GULP1: variants seen among roughly 807,000 people sequenced by gnomAD.
The protein encoded by GULP1 is PTB domain-containing engulfment adapter protein 1.
A neutral mutation model predicts 40.9 loss-of-function variants in GULP1; 19 were observed. The observed-to-expected ratio is 0.46, with a 90% confidence interval of 0.32 to 0.68. The LOEUF (loss-of-function observed/expected upper bound fraction) is 0.68. Ranked by LOEUF, GULP1 falls within the 30% of genes least tolerant of loss-of-function variation. The probability of loss-of-function intolerance (pLI) is 0.03; values close to 1 mark genes in which losing one functional copy is unlikely to be tolerated. For synonymous variants in GULP1, 119 were observed against 117.6 expected (o/e 1.01, Z -0.08); for missense variants, 312 against 362.2 (o/e 0.86, Z 1.12).
intron 2 of GULP1, among the ~76,000 whole-genome samples, chr2:188,396,854 C>T (rs765274509): frequency 2.0e-5 from 3 of 152,228 alleles, no homozygotes; most frequent in South Asian, 2.1e-4. Context: ...TCCCTCCATC[C>T]GTGCTGGAGA....
At chr2:188,511,035 G>A (rs147573394) in intron 4 of GULP1, among the ~76,000 whole-genome samples, 28 of 152,080 alleles carry the variant, frequency 1.8e-4, no homozygotes, top group African/African-American at 6.5e-4. Flanking sequence ...TGTGCTAGTC[G>A]CTGGTTGTAT....
chr2:188,498,429 A>G (rs1287479203), intron 4 of GULP1, among the ~76,000 whole-genome samples: 2 of 151,924 alleles, frequency 1.3e-5, no homozygotes, highest in Non-Finnish European at 1.5e-5. Flanking sequence ...AGCCCAAAAT[A>G]TAGAGCATAG....
In GULP1 at chr2:188,546,068, C is replaced by T. The variant is rs112702707; in HGVS notation, c.399+4750C>T. Reference sequence around the variant, plus strand: ...AACTGTGTATTACCAAAAAATAGAGCTGCAAAATGAGAAACAAAAACAGAT... The same window carrying T: ...AACTGTGTATTACCAAAAAATAGAGTTGCAAAATGAGAAACAAAAACAGAT... On this transcript the variant is annotated intron_variant, in intron 7 of 11. Transcript: ENST00000409830. Among the ~76,000 whole-genome samples the T allele has an allele frequency of 5.3e-5, 8 of 151,936 alleles. 1 individual carries two copies. Among genetic ancestry groups the T allele is most frequent in the African/African-American group, 1.9e-4 (8 of 41,512 alleles).
At chr2:188,387,552 A>G (rs2049945518) in intron 2 of GULP1, among the ~76,000 whole-genome samples, 1 of 152,188 alleles carries the variant, frequency 6.6e-6, no homozygotes, top group African/African-American at 2.4e-5. Context: ...GCAGTTTGTA[A>G]TGGTAACACT....
chr2:188,440,711 A>G (rs1265813467), intron 2 of GULP1, among the ~76,000 whole-genome samples: 3 of 152,150 alleles, frequency 2.0e-5, no homozygotes, highest in Non-Finnish European at 4.4e-5. Flanking sequence ...CTATTTTTGC[A>G]ATAAATAGAG....
chr2:188,360,343 CT>C (rs1443573664), intron 1 of GULP1, among the ~76,000 whole-genome samples: 1 of 152,074 alleles, frequency 6.6e-6, no homozygotes, highest in East Asian at 1.9e-4. Flanking sequence ...TTCAAAAAAT[CT>C]CTATTATGCA....
chr2:188,591,660 G>T (rs1045141413), intron 11 of GULP1: 3 of 151,430 alleles, frequency 2.0e-5, no homozygotes, highest in African/African-American at 4.8e-5. Flanking sequence ...GAGGAAGATA[G>T]AAAACTATAT....
intron 4 of GULP1, among the ~76,000 whole-genome samples, chr2:188,502,939 G>A (rs2063565721): frequency 6.6e-6 from 1 of 151,864 alleles, no homozygotes; most frequent in Non-Finnish European, 1.5e-5. Context: ...GCTCCAGGAG[G>A]GAAGAGTGCT....
At chr2:188,587,609 ACAC>A (rs1057304526) in intron 10 of GULP1, among the ~76,000 whole-genome samples, 1 of 152,170 alleles carries the variant, frequency 6.6e-6, no homozygotes, top group Non-Finnish European at 1.5e-5. Context: ...CTTCACTAAA[ACAC>A]AGAAACCTCT....
chr2:188,319,286 A>G (rs71434635), intron 1 of GULP1, among the ~76,000 whole-genome samples: 22,867 of 152,152 alleles, frequency 0.15, 1,850 homozygotes, highest in Middle Eastern at 0.17. Flanking sequence ...CAGAGAGAGC[A>G]AAATAGGAAT....
At chr2:188,588,046 A>G in intron 11 of GULP1, 97 bp downstream of exon 11, 1 of 760,368 alleles carries the variant, frequency 1.3e-6, no homozygotes, top group Non-Finnish European at 2.4e-6. Context: ...TCCTTCAATT[A>G]TTTTCGCTAT....
intron 2 of GULP1, among the ~76,000 whole-genome samples, chr2:188,442,320 T>A (rs1249431553): frequency 1.3e-5 from 2 of 152,282 alleles, no homozygotes; most frequent in Non-Finnish European, 2.9e-5. Flanking sequence ...TAAATGTAGT[T>A]AGGGCACATG....
chr2:188,388,418 T>C (rs2050074641), intron 2 of GULP1, among the ~76,000 whole-genome samples: 1 of 150,008 alleles, frequency 6.7e-6, no homozygotes, highest in South Asian at 2.1e-4. Flanking sequence ...TGGTGTATAC[T>C]TGTAGTCCCA....
intron 2 of GULP1, among the ~76,000 whole-genome samples, chr2:188,421,860 GA>G (rs1450554534): frequency 6.6e-6 from 1 of 152,118 alleles, no homozygotes; most frequent in Non-Finnish European, 1.5e-5. Flanking sequence ...TGTAATTTTA[GA>G]AATATCATTT....
At chr2:188,495,960 C>T (rs1002730965) in intron 4 of GULP1, among the ~76,000 whole-genome samples, 6 of 151,812 alleles carry the variant, frequency 4.0e-5, no homozygotes, top group African/African-American at 1.5e-4. Flanking sequence ...ATAACATGAC[C>T]ATTTCAAAAT....
At chr2:188,321,494 A>T (rs2039974789) in intron 1 of GULP1, among the ~76,000 whole-genome samples, 1 of 152,196 alleles carries the variant, frequency 6.6e-6, no homozygotes, top group South Asian at 2.1e-4. Context: ...TAACGTTCTG[A>T]TGAAATTATC....
chr2:188,461,874 C>CA (rs1028328916), intron 2 of GULP1, among the ~76,000 whole-genome samples: 5 of 151,622 alleles, frequency 3.3e-5, no homozygotes, highest in South Asian at 2.1e-4. Flanking sequence ...TTTAACTTTT[C>CA]AAAAAAATAG....
At chr2:188,506,949 C>T (rs2063978192) in intron 4 of GULP1, among the ~76,000 whole-genome samples, 1 of 151,958 alleles carries the variant, frequency 6.6e-6, no homozygotes, top group African/African-American at 2.4e-5. Flanking sequence ...GTGTTTACAG[C>T]AGCAAGCCAA....
intron 9 of GULP1, among the ~76,000 whole-genome samples, chr2:188,573,228 A>G (rs1699463564): frequency 1.3e-5 from 2 of 152,022 alleles, no homozygotes; most frequent in South Asian, 2.1e-4. Context: ...TTCATTTCAA[A>G]TTTTAGTAAT....
Sources: allele counts gnomAD v4.1 joint callset (sites outside exome capture counted in the v4.1 genomes callset), GRCh38; gene constraint gnomAD v4.1.1; transcripts MANE v1.5; gene names NCBI Gene and HGNC (gene_info 2026-07-23, HGNC 2026-07-21).